The following SGCZ variants were observed in gnomAD, a reference collection of about 807,000 sequenced individuals.
SGCZ encodes zeta-sarcoglycan.
Under a neutral mutation model 41.3 loss-of-function variants are expected in SGCZ, and 40 were observed. That is an observed-to-expected ratio of 0.97 (90% CI 0.75 to 1.26). The LOEUF (loss-of-function observed/expected upper bound fraction) is 1.26. Among genes scored for constraint, SGCZ ranks in the 50% most tolerant of loss-of-function variants. The probability of loss-of-function intolerance (pLI) is 0.00; values close to 1 mark genes in which losing one functional copy is unlikely to be tolerated. For synonymous variants in SGCZ, 206 were observed against 137.5 expected (o/e 1.50, Z -3.49); for missense variants, 552 against 369.8 (o/e 1.49, Z -4.04).
chr8:14,948,672 A>T (rs1174386603), intron 1 of SGCZ, among the ~76,000 whole-genome samples: 1 of 152,142 alleles, frequency 6.6e-6, no homozygotes, highest in East Asian at 1.9e-4. Flanking sequence ...CCTATTTTGC[A>T]AACTCTGTGA....
intron 1 of SGCZ, among the ~76,000 whole-genome samples, chr8:15,169,247 T>A (rs545821007): frequency 6.6e-6 from 1 of 152,292 alleles, no homozygotes; most frequent in African/African-American, 2.4e-5. Flanking sequence ...TTAGATGTAC[T>A]TCTTTAAAGG....
intron 1 of SGCZ, among the ~76,000 whole-genome samples, chr8:15,012,291 C>T (rs1457025182): frequency 6.6e-6 from 1 of 151,404 alleles, no homozygotes; most frequent in Non-Finnish European, 1.5e-5. Flanking sequence ...AGCAAACCTC[C>T]ACCTCTACAG....
chr8:14,449,430 G>A (rs1219322940), intron 2 of SGCZ, among the ~76,000 whole-genome samples: 2 of 152,078 alleles, frequency 1.3e-5, no homozygotes, highest in Admixed American at 1.3e-4. Flanking sequence ...ATTTTGGGGT[G>A]GGATGAAAGC....
chr8:14,323,119 A>G (rs1030326187), intron 3 of SGCZ, among the ~76,000 whole-genome samples: 2 of 152,056 alleles, frequency 1.3e-5, no homozygotes, highest in African/African-American at 4.8e-5. Context: ...CAGTTTGCAT[A>G]TTTTAAAAAA....
chr8:15,164,217 T>G (rs867135870), intron 1 of SGCZ, among the ~76,000 whole-genome samples: 26 of 152,352 alleles, frequency 1.7e-4, no homozygotes, highest in African/African-American at 5.8e-4. Flanking sequence ...ATGTGGGGGC[T>G]TGAGAAGTGG....
intron 2 of SGCZ, among the ~76,000 whole-genome samples, chr8:14,342,179 G>C (rs1341105858): frequency 6.6e-6 from 1 of 152,154 alleles, no homozygotes; most frequent in African/African-American, 2.4e-5. Flanking sequence ...ATGGAGATAA[G>C]GAACTTGTTG....
intron 1 of SGCZ, among the ~76,000 whole-genome samples, chr8:14,564,367 C>T (rs1233719377): frequency 6.6e-6 from 1 of 152,094 alleles, no homozygotes; most frequent in Non-Finnish European, 1.5e-5. Context: ...TTTATTCAGG[C>T]AAGGAATGCG....
At chr8:15,122,784 T>C (rs958923594) in intron 1 of SGCZ, among the ~76,000 whole-genome samples, 8 of 152,232 alleles carry the variant, frequency 5.3e-5, no homozygotes, top group African/African-American at 1.7e-4. Context: ...TAACAGTTCC[T>C]GTTGGTTCAA....
At chr8:14,313,940 G>GTGTGTT (rs1801630030) in intron 3 of SGCZ, among the ~76,000 whole-genome samples, 1 of 151,442 alleles carries the variant, frequency 6.6e-6, no homozygotes, top group South Asian at 2.1e-4. Flanking sequence ...GTGTGTGTGT[G>GTGTGTT]TGTGTGTGTG....
At chr8:14,551,925 T>C (rs1803882495) in intron 2 of SGCZ, among the ~76,000 whole-genome samples, 1 of 151,430 alleles carries the variant, frequency 6.6e-6, no homozygotes, top group Non-Finnish European at 1.5e-5. Flanking sequence ...CAGCTATCCT[T>C]GCTATGCTAA....
chr8:14,977,480 C>A (rs1263622789), intron 1 of SGCZ, among the ~76,000 whole-genome samples: 1 of 152,162 alleles, frequency 6.6e-6, no homozygotes, highest in Non-Finnish European at 1.5e-5. Context: ...ACATTACTTT[C>A]TTTCATCCAC....
chr8:14,990,852 G>A (rs995784245), intron 1 of SGCZ, among the ~76,000 whole-genome samples: 1 of 152,054 alleles, frequency 6.6e-6, no homozygotes, highest in African/African-American at 2.4e-5. Context: ...GGTACAGGGA[G>A]AGAAAGGAGT....
intron 2 of SGCZ, among the ~76,000 whole-genome samples, chr8:14,360,392 C>T (rs1205911700): frequency 6.6e-6 from 1 of 151,370 alleles, no homozygotes; most frequent in African/African-American, 2.4e-5. Context: ...GGAGCATGAT[C>T]TCAACTCGCT....
At chr8:14,996,215 T>G (rs1225046812) in intron 1 of SGCZ, among the ~76,000 whole-genome samples, 2 of 152,178 alleles carry the variant, frequency 1.3e-5, no homozygotes, top group Non-Finnish European at 2.9e-5. Context: ...TTATTTGCTT[T>G]TATGTCAATG....
intron 2 of SGCZ, among the ~76,000 whole-genome samples, chr8:14,421,134 A>T (rs548418401): frequency 6.6e-6 from 1 of 152,234 alleles, no homozygotes; most frequent in East Asian, 1.9e-4. Flanking sequence ...AATTTGTGAG[A>T]GGATTATGTC....
At chr8:14,424,582 CATCT>C (rs1326290317) in intron 2 of SGCZ, among the ~76,000 whole-genome samples, 4 of 151,972 alleles carry the variant, frequency 2.6e-5, no homozygotes, top group African/African-American at 9.7e-5. Context: ...ACTACTATAT[CATCT>C]ATAATTCATA....
At chr8:14,402,559 T>G (rs1052893007) in intron 2 of SGCZ, among the ~76,000 whole-genome samples, 1 of 145,660 alleles carries the variant, frequency 6.9e-6, no homozygotes. Flanking sequence ...CTTTCCCCAT[T>G]GCTTGCTTTT....
chr8:14,199,436 G>A (rs1203051209), intron 4 of SGCZ, among the ~76,000 whole-genome samples: 3 of 152,060 alleles, frequency 2.0e-5, no homozygotes, highest in South Asian at 2.1e-4. Flanking sequence ...TTTCGCCCTG[G>A]TCCTTTGGTC....
chr8:14,685,971 A>G (rs2898396), intron 1 of SGCZ, among the ~76,000 whole-genome samples: 151,059 of 152,174 alleles, frequency 0.99, 74,981 homozygotes, highest in Middle Eastern at 1. Context: ...CAGATACTCA[A>G]CCACAATATG....
Sources: allele counts gnomAD v4.1 joint callset (sites outside exome capture counted in the v4.1 genomes callset), GRCh38; gene constraint gnomAD v4.1.1; transcripts MANE v1.5; gene names NCBI Gene and HGNC (gene_info 2026-07-23, HGNC 2026-07-21).